The following GATAD2A variants were observed in gnomAD, a reference collection of about 807,000 sequenced individuals.
GATAD2A encodes GATA zinc finger domain containing 2A.
In GATAD2A, 12 loss-of-function variants were observed where a neutral mutation model predicts 68.5. The observed-to-expected ratio is 0.18, with a 90% CI of 0.11 to 0.28. GATAD2A has a LOEUF of 0.28. GATAD2A is among the 10% of genes least tolerant of loss of function. The probability of loss-of-function intolerance (pLI) is 1.00; values close to 1 mark genes in which losing one functional copy is unlikely to be tolerated. For missense variants in GATAD2A, 755 were observed against 868.5 expected (o/e 0.87, Z 1.64); for synonymous variants, 410 against 375.3 (o/e 1.09, Z -1.07).
At chr19:19,451,217 CA>C (rs76501212) in intron 1 of GATAD2A, among the ~76,000 whole-genome samples, 311 of 130,912 alleles carry the variant, frequency 2.4e-3, no homozygotes, top group Admixed American at 2.3e-3. Context: ...TAGTAAAATA[CA>C]AAAAAAAAAA....
intron 1 of GATAD2A, among the ~76,000 whole-genome samples, chr19:19,409,281 C>G (rs576809559): frequency 2.6e-5 from 4 of 151,974 alleles, no homozygotes; most frequent in East Asian, 3.9e-4. Context: ...CCTTTCCCCC[C>G]CATAATTGAG....
At position 19,507,872 on chromosome 19, in the gene GATAD2A, C is replaced by T. The variant is rs1325306268; in HGVS notation, c.*2398C>T. Reference sequence around the variant, plus strand: ...TCAGTTCCTTGCAGCATAACCTCTACGATAAGCCCCAAGCGGGTTGTTGTA... The same window carrying T: ...TCAGTTCCTTGCAGCATAACCTCTATGATAAGCCCCAAGCGGGTTGTTGTA... On this transcript the variant is annotated 3_prime_UTR_variant, in exon 12 of 12. Coordinates refer to ENST00000683918, the MANE Select transcript of GATAD2A (RefSeq NM_001384528.1). 2.6e-5 allele frequency: 4 copies of T among 152,182 alleles called. No individual in the cohort carries two copies. The highest frequency in any genetic ancestry group is 5.9e-5 in the Non-Finnish European group (4 of 68,040). 9.4% of individuals were successfully genotyped at this position (152,182 alleles called of 1,614,324 possible).
chr19:19,496,552 G>A lies in GATAD2A; in HGVS notation c.924+333G>A, dbSNP rs1398142043. On this transcript the variant is annotated intron_variant, in intron 7 of 11. Transcript: ENST00000683918. ...ATGTGGCACACAGCAGGTTTAGGGGGATAGTCGAGGCCCAGGAGAGGCCGG... is the reference window on the plus strand; with the variant it reads ...ATGTGGCACACAGCAGGTTTAGGGGAATAGTCGAGGCCCAGGAGAGGCCGG... 3.9e-5 allele frequency among the ~76,000 whole-genome samples: 6 copies of A among 152,266 alleles called. No homozygotes were observed. In the East Asian group the frequency reaches 1.2e-3, roughly 29 times the overall value.
chr19:19,398,776 T>C (rs2049466491), intron 1 of GATAD2A, among the ~76,000 whole-genome samples: 1 of 151,300 alleles, frequency 6.6e-6, no homozygotes, highest in African/African-American at 2.4e-5. Context: ...AATACAAAAA[T>C]TAGGCCAGGC....
At chr19:19,505,278 G>A (rs574666636) in intron 11 of GATAD2A, 66 bp from the exon 12 acceptor site, 29 of 1,539,330 alleles carry the variant, frequency 1.9e-5, no homozygotes, top group Non-Finnish European at 2.3e-5. Flanking sequence ...GGCAGCTATG[G>A]CTGGGCTCCT....
At chr19:19,431,715 T>G (rs10425574) in intron 1 of GATAD2A, among the ~76,000 whole-genome samples, 5,231 of 150,938 alleles carry the variant, frequency 0.035, 318 homozygotes, top group African/African-American at 0.12. Context: ...AAAAAAAATT[T>G]ACTAAGCACC....
chr19:19,418,859 C>T (rs1162785450), intron 1 of GATAD2A, among the ~76,000 whole-genome samples: 2 of 151,972 alleles, frequency 1.3e-5, no homozygotes, highest in Non-Finnish European at 2.9e-5. Context: ...GGAAAAGAGC[C>T]CTGGGGATTT....
At chr19:19,485,361 G>A (rs1724224989) in intron 2 of GATAD2A, among the ~76,000 whole-genome samples, 1 of 152,234 alleles carries the variant, frequency 6.6e-6, no homozygotes, top group South Asian at 2.1e-4. Flanking sequence ...GCTGGGCACT[G>A]TTGCTGGGGC....
chr19:19,471,578 T>C (rs1194739189), intron 2 of GATAD2A, among the ~76,000 whole-genome samples: 1 of 152,198 alleles, frequency 6.6e-6, no homozygotes, highest in Non-Finnish European at 1.5e-5. Context: ...ATGGAAATAT[T>C]TTAAAATTGT....
intron 1 of GATAD2A, chr19:19,429,148 G>A (rs574574779): frequency 4.8e-5 from 47 of 980,036 alleles, no homozygotes; most frequent in Admixed American, 6.1e-5. Context: ...TGATGCGCAA[G>A]CGCCTTGTGT....
Position 19,506,163 on chromosome 19 carries a change from C to A in GATAD2A, c.*689C>A, listed in dbSNP as rs541874535. ...ACTGACTGACAGATGCAGGGATGGC[C>A]GAGGCAGCCCTCGCTCCAGCTGAAC... On this transcript the variant is annotated 3_prime_UTR_variant, in exon 12 of 12. Transcript: ENST00000683918. The A allele has an allele frequency of 2.5e-6, 1 of 398,666 alleles. No homozygotes were observed. Among genetic ancestry groups the A allele is most frequent in the African/African-American group, 2.1e-5 (1 of 48,656 alleles). The allele number at this position is 398,666 out of a possible 1,614,324, so 24.7% of individuals were successfully genotyped here.
chr19:19,492,900 T>C (rs1248734828), intron 4 of GATAD2A, among the ~76,000 whole-genome samples, 188 bp downstream of exon 4: 1 of 152,040 alleles, frequency 6.6e-6, no homozygotes, highest in East Asian at 1.9e-4. Context: ...TTAAAGTGAA[T>C]TTCAGTCTAG....
intron 11 of GATAD2A, among the ~76,000 whole-genome samples, chr19:19,504,949 A>G (rs2060789265): frequency 6.6e-6 from 1 of 152,142 alleles, no homozygotes. Context: ...CAGCTAAGAT[A>G]GTTTTTCATT....
intron 1 of GATAD2A, among the ~76,000 whole-genome samples, chr19:19,451,880 C>G (rs1298283418): frequency 6.6e-6 from 1 of 152,156 alleles, no homozygotes; most frequent in Non-Finnish European, 1.5e-5. Flanking sequence ...GGGTCTTGCC[C>G]CTTTGCCCAG....
At chr19:19,470,143 ATTTTTTTTTTTG>A (rs902459776) in intron 2 of GATAD2A, among the ~76,000 whole-genome samples, 2 of 132,850 alleles carry the variant, frequency 1.5e-5, no homozygotes, top group African/African-American at 2.8e-5. Context: ...CTGCGACTTT[ATTTTTTTTTTTG>A]TTTTTTTTTT....
chr19:19,481,415 C>T (rs916089736), intron 2 of GATAD2A, among the ~76,000 whole-genome samples: 5 of 152,182 alleles, frequency 3.3e-5, no homozygotes, highest in Non-Finnish European at 1.5e-5. Context: ...ACTGTAGCCT[C>T]CAGCTCCTGG....
At chr19:19,390,175 A>T (rs1332160310) in intron 1 of GATAD2A, among the ~76,000 whole-genome samples, 2 of 152,216 alleles carry the variant, frequency 1.3e-5, no homozygotes, top group Non-Finnish European at 2.9e-5. Context: ...CTTCTTAGTT[A>T]TGTGGCCTTG....
chr19:19,444,763 C>T (rs974259858), intron 1 of GATAD2A, among the ~76,000 whole-genome samples: 1 of 150,504 alleles, frequency 6.6e-6, no homozygotes, highest in Non-Finnish European at 1.5e-5. Flanking sequence ...CCCAGCTACT[C>T]AGGAAGTTGA....
intron 1 of GATAD2A, among the ~76,000 whole-genome samples, chr19:19,400,187 C>T (rs1251929380): frequency 2.0e-5 from 3 of 152,132 alleles, no homozygotes; most frequent in Admixed American, 6.6e-5. Flanking sequence ...TTCACAACAG[C>T]ACTTCTGAGC....
Sources: gnomAD v4.1 joint callset for allele counts (sites outside exome capture counted in the v4.1 genomes callset) on GRCh38, gnomAD v4.1.1 for gene constraint, MANE v1.5 for transcripts, NCBI Gene and HGNC (gene_info 2026-07-23, HGNC 2026-07-21) for gene names.